ARHGAP15: variants seen among roughly 807,000 people sequenced by gnomAD.
The protein encoded by ARHGAP15 is rho GTPase-activating protein 15.
Under a neutral mutation model 63.7 loss-of-function variants are expected in ARHGAP15, and 51 were observed. The observed-to-expected ratio is 0.80, with a 90% CI of 0.64 to 1.01. ARHGAP15 has a LOEUF of 1.01. Ranked by LOEUF, ARHGAP15 falls within the 50% of genes least tolerant of loss-of-function variation. The pLI, the probability that ARHGAP15 is intolerant of heterozygous loss-of-function variation, is 0.00. For synonymous variants in ARHGAP15, 191 were observed against 193.8 expected, an observed-to-expected ratio of 0.99 and a Z score of 0.12; for missense variants, 560 against 564.6, an observed-to-expected ratio of 0.99 and a Z score of 0.08.
intron 3 of ARHGAP15, among the ~76,000 whole-genome samples, chr2:143,212,844 G>A (rs1025198256): frequency 1.3e-5 from 2 of 152,132 alleles, no homozygotes; most frequent in African/African-American, 2.4e-5. Context: ...ACATGGTGAC[G>A]TATTTCAAAC....
chr2:143,739,391 C>G (rs1422045954), intron 13 of ARHGAP15, among the ~76,000 whole-genome samples: 2 of 152,110 alleles, frequency 1.3e-5, no homozygotes, highest in Non-Finnish European at 2.9e-5. Flanking sequence ...ACATACAGCT[C>G]AGTCCTGCTG....
chr2:143,277,225 A>G (rs1681604377), intron 6 of ARHGAP15, among the ~76,000 whole-genome samples: 1 of 152,024 alleles, frequency 6.6e-6, no homozygotes, highest in African/African-American at 2.4e-5. Flanking sequence ...CAAGAAATAA[A>G]GTCGTTTATT....
intron 9 of ARHGAP15, among the ~76,000 whole-genome samples, chr2:143,518,176 A>G (rs1049608261): frequency 6.6e-6 from 1 of 152,226 alleles, no homozygotes; most frequent in Non-Finnish European, 1.5e-5. Context: ...GATCAATTCT[A>G]TGTTATATGT....
chr2:143,503,199 C>A (rs992809186), intron 9 of ARHGAP15, among the ~76,000 whole-genome samples: 1 of 152,268 alleles, frequency 6.6e-6, no homozygotes, highest in African/African-American at 2.4e-5. Flanking sequence ...AGCACAATAA[C>A]TGTATTAGTT....
At chr2:143,669,366 C>G (rs1433327006) in intron 12 of ARHGAP15, among the ~76,000 whole-genome samples, 8 of 152,154 alleles carry the variant, frequency 5.3e-5, no homozygotes, top group Admixed American at 5.2e-4. Flanking sequence ...AATCACTTAC[C>G]TATACCAAGA....
chr2:143,661,324 A>G (rs1681759804), intron 12 of ARHGAP15, among the ~76,000 whole-genome samples: 1 of 152,228 alleles, frequency 6.6e-6, no homozygotes. Flanking sequence ...AAGGTCTATT[A>G]TTCTGCCTAC....
intron 9 of ARHGAP15, among the ~76,000 whole-genome samples, chr2:143,503,842 C>A (rs1361636341): frequency 6.6e-6 from 1 of 152,134 alleles, no homozygotes. Flanking sequence ...GACATGTATT[C>A]TCTGAGCCAC....
At chr2:143,337,302 T>A (rs867410789) in intron 6 of ARHGAP15, among the ~76,000 whole-genome samples, 2 of 152,146 alleles carry the variant, frequency 1.3e-5, no homozygotes, top group African/African-American at 4.8e-5. Flanking sequence ...GGGGCCAGAT[T>A]GCAGTTTTGA....
At chr2:143,436,413 T>TAA (rs1558970165) in intron 7 of ARHGAP15, among the ~76,000 whole-genome samples, 1 of 152,174 alleles carries the variant, frequency 6.6e-6, no homozygotes, top group Non-Finnish European at 1.5e-5. Context: ...ATTAACACTT[T>TAA]AAAAAGTAAA....
intron 1 of ARHGAP15, among the ~76,000 whole-genome samples, chr2:143,132,522 T>A (rs1243816562): frequency 1.3e-5 from 2 of 152,216 alleles, no homozygotes; most frequent in Non-Finnish European, 2.9e-5. Flanking sequence ...CACAGCAAAG[T>A]GTCAGATTTA....
intron 13 of ARHGAP15, among the ~76,000 whole-genome samples, chr2:143,750,792 G>A (rs1357415558): frequency 2.0e-5 from 3 of 152,184 alleles, no homozygotes; most frequent in African/African-American, 7.2e-5. Context: ...TTCCACAGAT[G>A]ATATTAATAT....
rs1225752569 is a variant in ARHGAP15 at position 143,643,430 on chromosome 2, C to CG, written c.1138+19163_1138+19164insG. On this transcript the variant is annotated intron_variant, in intron 12 of 13. Coordinates refer to ENST00000295095, the MANE Select transcript of ARHGAP15 (RefSeq NM_018460.4). ...GTGTGACACCTCCCCTCCACCCACC[C>CG]CCCCCCACCAAAAAAAAGTTATAGA... Among the ~76,000 whole-genome samples the CG allele has an allele frequency of 8.7e-4, 38 of 43,846 alleles. 1 individual carries two copies. The highest frequency in any genetic ancestry group is 2.5e-4 in the Non-Finnish European group (4 of 15,744). 28.8% of individuals were successfully genotyped at this position (43,846 alleles called of 152,430 possible). A position where few individuals can be genotyped will look rare whatever the true frequency, so the allele number is the denominator to read the frequency against.
At chr2:143,465,752 C>T (rs1412577912) in intron 8 of ARHGAP15, among the ~76,000 whole-genome samples, 1 of 151,754 alleles carries the variant, frequency 6.6e-6, no homozygotes, top group Non-Finnish European at 1.5e-5. Flanking sequence ...ACATGTCGGC[C>T]AATAAAAATC....
At chr2:143,482,249 A>G (rs1466990262) in intron 8 of ARHGAP15, among the ~76,000 whole-genome samples, 1 of 152,092 alleles carries the variant, frequency 6.6e-6, no homozygotes, top group Non-Finnish European at 1.5e-5. Flanking sequence ...ATAAAAACTC[A>G]AAGTGGGAAT....
chr2:143,399,338 A>G (rs1336708933), intron 6 of ARHGAP15, among the ~76,000 whole-genome samples: 1 of 138,086 alleles, frequency 7.2e-6, no homozygotes, highest in African/African-American at 2.7e-5. Flanking sequence ...CATTTCACTT[A>G]GGCTCAAAGA....
chr2:143,448,412 A>G (rs917877116), intron 8 of ARHGAP15, among the ~76,000 whole-genome samples: 3 of 152,144 alleles, frequency 2.0e-5, no homozygotes, highest in African/African-American at 7.2e-5. Flanking sequence ...AGAGATAGGT[A>G]GCACAGAGTG....
chr2:143,415,134 A>T (rs902388885), intron 6 of ARHGAP15, among the ~76,000 whole-genome samples: 6 of 152,192 alleles, frequency 3.9e-5, no homozygotes, highest in Non-Finnish European at 7.4e-5. Flanking sequence ...CTCTAACAGG[A>T]TGAAATTTGT....
At chr2:143,199,117 A>T (rs2105106636) in intron 2 of ARHGAP15, among the ~76,000 whole-genome samples, 1 of 152,296 alleles carries the variant, frequency 6.6e-6, no homozygotes, top group East Asian at 1.9e-4. Context: ...AAATGCATAT[A>T]TTCTTTCACT....
chr2:143,550,190 C>G (rs1382967912), intron 10 of ARHGAP15, among the ~76,000 whole-genome samples: 1 of 151,928 alleles, frequency 6.6e-6, no homozygotes, highest in Non-Finnish European at 1.5e-5. Context: ...TGCAAAGTGT[C>G]AAGAATCAAT....
Sources: gnomAD v4.1 joint callset for allele counts (sites outside exome capture counted in the v4.1 genomes callset) on GRCh38, gnomAD v4.1.1 for gene constraint, MANE v1.5 for transcripts, NCBI Gene and HGNC (gene_info 2026-07-23, HGNC 2026-07-21) for gene names.